The following SLC26A11 variants were observed in gnomAD, a reference collection of about 807,000 sequenced individuals.
SLC26A11 encodes the protein sodium-independent sulfate anion transporter.
In SLC26A11, 58 loss-of-function variants were observed where a neutral mutation model predicts 62.2. The observed-to-expected ratio is 0.93, with a 90% CI of 0.76 to 1.16. The LOEUF is 1.16. Among genes scored for constraint, SLC26A11 ranks in the 50% most tolerant of loss-of-function variants. The pLI is 0.00. For missense variants in SLC26A11, 790 were observed against 794.3 expected (o/e 0.99, Z 0.06); for synonymous variants, 411 against 368.9 (o/e 1.11, Z -1.31).
Position 80,226,003 on chromosome 17 carries a change from C to T in SLC26A11, c.593+87C>T, listed in dbSNP as rs2042399360. On this transcript the variant is annotated intron_variant, in intron 6 of 17. Transcript: ENST00000361193. ...GGCCCCCACCTCAGTTTCCCCACCCCTGGTGACTGCTCAAACAGGGGTCCC... is the reference window on the plus strand; with the variant it reads ...GGCCCCCACCTCAGTTTCCCCACCCTTGGTGACTGCTCAAACAGGGGTCCC... The T allele has an allele frequency of 1.4e-5, 17 of 1,226,272 alleles. No homozygotes were observed. The South Asian group carries it at 1.4e-4, about 10-fold the overall frequency. The allele number at this position is 1,226,272 out of a possible 1,614,324, so 76.0% of individuals were successfully genotyped here.
intron 10 of SLC26A11, among the ~76,000 whole-genome samples, chr17:80,242,040 G>T (rs1046395376): frequency 6.6e-6 from 1 of 152,212 alleles, no homozygotes; most frequent in Non-Finnish European, 1.5e-5. Context: ...GCAGTGGCAC[G>T]ATCTTGGCTC....
Position 80,248,622 on chromosome 17 carries a change from C to T in SLC26A11, c.1470C>T (p.Ser490=). The T allele has an allele frequency of 2.5e-6, 4 of 1,591,120 alleles. No individual in the cohort carries two copies. Among genetic ancestry groups the T allele is most frequent in the Non-Finnish European group, 3.4e-6 (4 of 1,169,080 alleles). ...VLVLQPASGL[S]FPAMEALREE... ...TCCTGCAGCCGGCCAGCGGCCTGTC[C>T]TTCCCTGCCATGGAGGCTCTGCGGG... Residue 490 remains serine (S), a synonymous_variant, in exon 15 of 18, where the codon TCC becomes TCT. Coordinates refer to ENST00000361193, the MANE Select transcript of SLC26A11 (RefSeq NM_001166347.2).
intron 5 of SLC26A11, among the ~76,000 whole-genome samples, chr17:80,224,308 TGAGAGAGTGTGA>T: frequency 7.8e-6 from 1 of 128,934 alleles, no homozygotes; most frequent in Admixed American, 7.0e-5. Flanking sequence ...CGTGTGTGTG[TGAGAGAGTGTGA>T]GTGTGTATGA....
At chr17:80,248,914 G>A (rs966302572) in intron 15 of SLC26A11, among the ~76,000 whole-genome samples, 3 of 152,186 alleles carry the variant, frequency 2.0e-5, no homozygotes, top group African/African-American at 4.8e-5. Flanking sequence ...TGTTTCTGGG[G>A]GGTTGATTTT....
At chr17:80,250,546 T>C (rs1366249740) in intron 16 of SLC26A11, among the ~76,000 whole-genome samples, 1 of 152,140 alleles carries the variant, frequency 6.6e-6, no homozygotes, top group East Asian at 1.9e-4. Flanking sequence ...CTTAAAAAAA[T>C]ACTCCTCTGA....
intron 6 of SLC26A11, among the ~76,000 whole-genome samples, chr17:80,226,140 C>T (rs1009778995): frequency 2.6e-5 from 4 of 151,988 alleles, no homozygotes; most frequent in Non-Finnish European, 4.4e-5. Flanking sequence ...GTGGTCTGCG[C>T]GCAGGGGAGA....
At chr17:80,240,345 C>T (rs1465244211) in intron 9 of SLC26A11, among the ~76,000 whole-genome samples, 3 of 150,282 alleles carry the variant, frequency 2.0e-5, no homozygotes, top group African/African-American at 4.9e-5. Flanking sequence ...CCAGCCTGGG[C>T]GACAGAGCAA....
chr17:80,224,359 G>T (rs71368064), intron 5 of SLC26A11, among the ~76,000 whole-genome samples: 47,019 of 143,666 alleles, frequency 0.33, 7,676 homozygotes, highest in Admixed American at 0.46. Context: ...GTGTGGGTGT[G>T]AGGGAGTGTG....
At chr17:80,221,426 GC>G in intron 2 of SLC26A11, 121 bp from the exon 3 acceptor site, 2 of 672,404 alleles carry the variant, frequency 3.0e-6, no homozygotes, top group Non-Finnish European at 4.9e-6. Flanking sequence ...AGAGCCGTTC[GC>G]CCCCCTGGGG....
rs576299920 is a variant in SLC26A11, at chr17:80,246,641, G to A, written c.1286G>A (p.Arg429His). The A allele has an allele frequency of 8.7e-6, 14 of 1,613,684 alleles. No homozygotes were observed. The highest frequency in any genetic ancestry group is 3.3e-5 in the South Asian group (3 of 91,046). ...FDTKIFRTLW[R>H]VKRLDLLPLC... ...ACCAAGATCTTCAGGACGCTCTGGC[G>A]TGTTAAGAGTACGTCCTTGTCCTAC... is the stretch of plus-strand genomic sequence containing the variant. The change falls in exon 13 of 18, where the codon CGT becomes CAT. Residue 429 changes from arginine (R) to histidine (H), a missense_variant. By Grantham distance (29) the Arg-to-His change is conservative. Transcript: ENST00000361193. This position sits in a 1 kb window ranked among gnomAD's most constrained non-coding sequence, Gnocchi z 4.4.
chr17:80,251,538 G>A lies in SLC26A11; in HGVS notation c.1729+137G>A, dbSNP rs928563896. The A allele has an allele frequency of 6.4e-5, 72 of 1,127,248 alleles. No individual in the cohort carries two copies. In the South Asian group the frequency reaches 1.1e-3, roughly 17 times the overall value. 69.8% of individuals were successfully genotyped at this position (1,127,248 alleles called of 1,614,324 possible). A position where few individuals can be genotyped will look rare whatever the true frequency, so the allele number is the denominator to read the frequency against. ...AGCACTTTGGGAGGCCGAGGCAGGT[G>A]GATCACCTGAGGTCAGGAGTTCGAG... On this transcript the variant is annotated intron_variant, in intron 17 of 17. Coordinates refer to ENST00000361193, the MANE Select transcript of SLC26A11 (RefSeq NM_001166347.2).
chr17:80,246,657 C>T lies in SLC26A11; in HGVS notation c.1294+8C>T, dbSNP rs2043006769. ...CGCTCTGGCGTGTTAAGAGTACGTC[C>T]TTGTCCTACAGGGGAGAGCGCTGTG... On this transcript the variant is annotated splice_region_variant and intron_variant, in intron 13 of 17. Transcript: ENST00000361193. The surrounding 1 kb of genome is among the most constrained non-coding windows in gnomAD (Gnocchi z 4.4). 2 of 1,612,934 alleles carry T rather than the reference C, an allele frequency of 1.2e-6. No homozygotes were observed. The highest frequency in any genetic ancestry group is 1.7e-4 in the Middle Eastern group (1 of 6,060).
At chr17:80,237,285 A>C in intron 8 of SLC26A11, 182 bp downstream of exon 8, 2 of 836,800 alleles carry the variant, frequency 2.4e-6, no homozygotes, top group South Asian at 3.7e-5. Flanking sequence ...CAGCGAGCTC[A>C]GGGATGTCAC....
At chr17:80,225,039 G>A (rs966025713) in intron 5 of SLC26A11, among the ~76,000 whole-genome samples, 2 of 152,014 alleles carry the variant, frequency 1.3e-5, no homozygotes, top group Non-Finnish European at 2.9e-5. Flanking sequence ...TGGGTCTCAG[G>A]CGATGTAAAG....
At chr17:80,224,280 CGT>C (rs1295431188) in intron 5 of SLC26A11, among the ~76,000 whole-genome samples, 18 of 140,744 alleles carry the variant, frequency 1.3e-4, no homozygotes, top group East Asian at 2.1e-4. Flanking sequence ...TGAGTGAGTG[CGT>C]GTGTGAGTGA....
intron 6 of SLC26A11, 82 bp from the exon 7 acceptor site, chr17:80,227,736 A>C (rs898214226): frequency 3.9e-6 from 6 of 1,532,534 alleles, no homozygotes; most frequent in Non-Finnish European, 5.3e-6. Context: ...AGTGCCTCTC[A>C]GCTTAAGCAG....
rs1182989173 is a variant in SLC26A11, at chr17:80,239,406, T to TC, written c.985+1813dup. ...CCAGTAATTTCTTTTTTTTTTTTTT[T>TC]CGAGACGGAGTCTCGCTCTGTCGCC... On this transcript the variant is annotated intron_variant, in intron 9 of 17. Transcript: ENST00000361193. Among the ~76,000 whole-genome samples the TC allele has an allele frequency of 7.4e-5, 11 of 147,838 alleles. No homozygotes were observed. The South Asian group carries it at 2.4e-3, about 32-fold the overall frequency.
At position 80,244,521 on chromosome 17, in the gene SLC26A11, A is replaced by G. The variant is rs115212368; in HGVS notation, c.1037-675A>G. Among the ~76,000 whole-genome samples the G allele has an allele frequency of 9.2e-3, 1,400 of 152,274 alleles. 26 individuals carry two copies. The highest frequency in any genetic ancestry group is 0.032 in the African/African-American group (1,350 of 41,550). ...TGGGGAAGGCGTGTCCTGGTCACACAGGAGAGGCTGGGTGAGAAGTGTTTG... is the reference window on the plus strand; with the variant it reads ...TGGGGAAGGCGTGTCCTGGTCACACGGGAGAGGCTGGGTGAGAAGTGTTTG... On this transcript the variant is annotated intron_variant, in intron 10 of 17. Coordinates refer to ENST00000361193, the MANE Select transcript of SLC26A11 (RefSeq NM_001166347.2).
Position 80,225,842 on chromosome 17 carries a change from G to C in SLC26A11, c.519G>C (p.Leu173=), listed in dbSNP as rs749292679. 6 of 1,613,906 alleles carry C rather than the reference G, an allele frequency of 3.7e-6. No individual in the cohort carries two copies. The South Asian group carries it at 6.6e-5, about 18-fold the overall frequency. The change falls in exon 6 of 18, where the codon CTG becomes CTC. Residue 173 remains leucine, a synonymous_variant. Transcript: ENST00000361193. ...GCATCTCTGTGTTTGGACAGAACCTGCTGGGACTACAGAACATCCCCAGGC... is the reference window on the plus strand; with the variant it reads ...GCATCTCTGTGTTTGGACAGAACCTCCTGGGACTACAGAACATCCCCAGGC... ...VTIGFGQIKN[L]LGLQNIPRPF... is the part of the protein sequence containing the mutation.
Sources: allele counts gnomAD v4.1 joint callset (sites outside exome capture counted in the v4.1 genomes callset), GRCh38; gene constraint gnomAD v4.1.1; non-coding constraint Gnocchi (gnomAD v3.1); transcripts MANE v1.5; gene names NCBI Gene and HGNC (gene_info 2026-07-23, HGNC 2026-07-21).